ZNHIT6: variants seen among roughly 807,000 people sequenced by gnomAD.
ZNHIT6 encodes the protein zinc finger HIT-type containing 6, also known as box C/D snoRNA protein 1.
In ZNHIT6, 45 loss-of-function variants were observed where a neutral mutation model predicts 57.2. The ratio of observed to expected loss-of-function variants is 0.79; its 90% CI spans 0.62 to 1.01. The LOEUF is 1.01. Ranked by LOEUF, ZNHIT6 falls within the 50% of genes least tolerant of loss-of-function variation. The pLI, the probability that ZNHIT6 is intolerant of heterozygous loss-of-function variation, is 0.00. For synonymous variants in ZNHIT6, 188 were observed against 190.0 expected (o/e 0.99, Z 0.09); for missense variants, 528 against 567.3 (o/e 0.93, Z 0.70).
At chr1:85,671,760 A>G (rs1661561993) in intron 8 of ZNHIT6, among the ~76,000 whole-genome samples, 2 of 152,238 alleles carry the variant, frequency 1.3e-5, no homozygotes, top group Non-Finnish European at 2.9e-5. Flanking sequence ...TAGATGGGAA[A>G]ACAGGCTTAG....
In ZNHIT6 at chr1:85,680,902, T is replaced by C. The variant is rs1247388163; in HGVS notation, c.1022A>G (p.Lys341Arg). The C allele has an allele frequency of 6.2e-7, 1 of 1,610,548 alleles. No homozygotes were observed. Among genetic ancestry groups the C allele is most frequent in the South Asian group, 1.1e-5 (1 of 90,274 alleles). Reference sequence around the variant, plus strand: ...CTTCACATGCCAACAAAACTGTTGTTTTCTAAGAGAGAAAATAATCATGTG... The same window carrying C: ...CTTCACATGCCAACAAAACTGTTGTCTTCTAAGAGAGAAAATAATCATGTG... ...KENSTFFDKK[K>R]QQFCWHVKLQ... The change falls in exon 6 of 10, where the codon AAA becomes AGA. Residue 341 changes from lysine to arginine, a missense_variant and splice_region_variant. By Grantham distance (26) the Lys-to-Arg change is conservative. Coordinates refer to ENST00000370574, the MANE Select transcript of ZNHIT6 (RefSeq NM_017953.4).
At chr1:85,676,064 C>T (rs1181580179) in intron 8 of ZNHIT6, among the ~76,000 whole-genome samples, 9 of 151,994 alleles carry the variant, frequency 5.9e-5, no homozygotes, top group African/African-American at 1.7e-4. Flanking sequence ...TGGCCGGGCG[C>T]GGTGGCTCAC....
chr1:85,681,927 T>C (rs1189883210), intron 5 of ZNHIT6, among the ~76,000 whole-genome samples: 2 of 152,018 alleles, frequency 1.3e-5, no homozygotes, highest in African/African-American at 4.8e-5. Flanking sequence ...TTTTGCAATA[T>C]TCATTATCTG....
At chr1:85,682,498 A>G in intron 5 of ZNHIT6, among the ~76,000 whole-genome samples, 1 of 152,184 alleles carries the variant, frequency 6.6e-6, no homozygotes, top group Non-Finnish European at 1.5e-5. Context: ...TTAACATTTA[A>G]TACACCCTGA....
At chr1:85,703,984 A>C (rs1557876812) in intron 4 of ZNHIT6, among the ~76,000 whole-genome samples, 1 of 152,242 alleles carries the variant, frequency 6.6e-6, no homozygotes, top group East Asian at 1.9e-4. Context: ...GGCACTGCAT[A>C]AAAGAGGAAA....
rs768596342 is a variant in ZNHIT6, at chr1:85,650,105, T to G, written c.*3953A>C. 8 of 152,190 alleles carry G rather than the reference T, an allele frequency of 5.3e-5. No individual in the cohort carries two copies. The highest frequency in any genetic ancestry group is 1.0e-4 in the Non-Finnish European group (7 of 68,026). The allele number at this position is 152,190 out of a possible 1,614,324, so 9.4% of individuals were successfully genotyped here. A position where few individuals can be genotyped will look rare whatever the true frequency, so the allele number is the denominator to read the frequency against. On this transcript the variant is annotated 3_prime_UTR_variant, in exon 10 of 10. Transcript: ENST00000370574. Reference sequence around the variant, plus strand: ...TACATTCTGGCTTTCTTCTAAAAATTTCCCCCTCCTTTGGGTGAATTCCTC... The same window carrying G: ...TACATTCTGGCTTTCTTCTAAAAATGTCCCCCTCCTTTGGGTGAATTCCTC...
At chr1:85,658,678 C>T (rs757974411) in intron 8 of ZNHIT6, among the ~76,000 whole-genome samples, 6 of 151,876 alleles carry the variant, frequency 4.0e-5, no homozygotes, top group African/African-American at 7.3e-5. Flanking sequence ...TTGAGACCAG[C>T]GTGACCAACA....
intron 5 of ZNHIT6, among the ~76,000 whole-genome samples, chr1:85,687,288 C>CAAAAAAAAAAAA (rs1358501791): frequency 2.7e-5 from 2 of 75,226 alleles, no homozygotes; most frequent in African/African-American, 5.6e-5. Context: ...TCTCAAAAAA[C>CAAAAAAAAAAAA]AAAAAAAAAA....
At chr1:85,697,636 C>A (rs1247355524) in intron 5 of ZNHIT6, among the ~76,000 whole-genome samples, 1 of 152,136 alleles carries the variant, frequency 6.6e-6, no homozygotes, top group Non-Finnish European at 1.5e-5. Flanking sequence ...TGAATCCAGC[C>A]TCATCATTCT....
At chr1:85,703,057 G>C (rs1662581527) in intron 4 of ZNHIT6, among the ~76,000 whole-genome samples, 1 of 152,172 alleles carries the variant, frequency 6.6e-6, no homozygotes, top group Admixed American at 6.5e-5. Flanking sequence ...GGCTAAGTAG[G>C]AAACTGTTTT....
chr1:85,682,543 G>C (rs1661909795), intron 5 of ZNHIT6, among the ~76,000 whole-genome samples: 1 of 152,040 alleles, frequency 6.6e-6, no homozygotes, highest in Admixed American at 6.5e-5. Context: ...TCCAAACACA[G>C]AGAGAAAAGC....
intron 7 of ZNHIT6, 68 bp from the exon 8 acceptor site, chr1:85,677,381 A>G: frequency 7.6e-7 from 1 of 1,313,402 alleles, no homozygotes; most frequent in South Asian, 1.5e-5. Context: ...TCTTATGGAG[A>G]CTAAGCATTT....
At chr1:85,692,405 T>C (rs1336510985) in intron 5 of ZNHIT6, among the ~76,000 whole-genome samples, 2 of 152,214 alleles carry the variant, frequency 1.3e-5, no homozygotes, top group African/African-American at 2.4e-5. Flanking sequence ...CTGCAGTAAG[T>C]AGAGGCCCAA....
chr1:85,653,943 C>A lies in ZNHIT6; in HGVS notation c.*115G>T, dbSNP rs1570276756. The A allele has an allele frequency of 1.1e-5, 8 of 756,574 alleles. No individual in the cohort carries two copies. The highest frequency in any genetic ancestry group is 1.8e-5 in the African/African-American group (1 of 56,130). 46.9% of individuals were successfully genotyped at this position (756,574 alleles called of 1,614,324 possible). A position where few individuals can be genotyped will look rare whatever the true frequency, so the allele number is the denominator to read the frequency against. ...AAAAGAGTTAAGCTTATTTTTCATA[C>A]AAAGAAAAAATTCCAATCACCCATT... On this transcript the variant is annotated 3_prime_UTR_variant, in exon 10 of 10. Coordinates refer to ENST00000370574, the MANE Select transcript of ZNHIT6 (RefSeq NM_017953.4).
intron 8 of ZNHIT6, among the ~76,000 whole-genome samples, chr1:85,673,176 G>A (rs1423985704): frequency 6.6e-6 from 1 of 152,120 alleles, no homozygotes; most frequent in East Asian, 1.9e-4. Flanking sequence ...CTCCACAGGG[G>A]CAGGAACACT....
chr1:85,694,767 T>C (rs981623740), intron 5 of ZNHIT6, among the ~76,000 whole-genome samples: 3 of 152,164 alleles, frequency 2.0e-5, no homozygotes, highest in Admixed American at 2.0e-4. Flanking sequence ...GCCTCAAATT[T>C]TTCATAATAA....
Position 85,652,892 on chromosome 1 carries a change from T to C in ZNHIT6, c.*1166A>G, listed in dbSNP as rs916558503. 2 of 152,190 alleles carry C rather than the reference T, an allele frequency of 1.3e-5. No homozygotes were observed. The highest frequency in any genetic ancestry group is 4.8e-5 in the African/African-American group (2 of 41,454). 9.4% of individuals were successfully genotyped at this position (152,190 alleles called of 1,614,324 possible). ...CTCCAATAAAATTAAGAATTTTTTT[T>C]CAGTACATGAGATCAAACTGTATAC... On this transcript the variant is annotated 3_prime_UTR_variant, in exon 10 of 10. Coordinates refer to ENST00000370574, the MANE Select transcript of ZNHIT6 (RefSeq NM_017953.4).
intron 8 of ZNHIT6, among the ~76,000 whole-genome samples, chr1:85,660,361 TG>T (rs1489456400): frequency 2.0e-5 from 3 of 152,176 alleles, no homozygotes; most frequent in Non-Finnish European, 4.4e-5. Context: ...AATAAGGGAA[TG>T]TTTTTTACTT....
At chr1:85,672,529 C>T (rs1001231149) in intron 8 of ZNHIT6, among the ~76,000 whole-genome samples, 3 of 152,140 alleles carry the variant, frequency 2.0e-5, no homozygotes, top group African/African-American at 7.2e-5. Flanking sequence ...AGGCCATTCA[C>T]CTTTAATAAA....
Sources: gnomAD v4.1 joint callset for allele counts (sites outside exome capture counted in the v4.1 genomes callset) on GRCh38, gnomAD v4.1.1 for gene constraint, MANE v1.5 for transcripts, NCBI Gene and HGNC (gene_info 2026-07-23, HGNC 2026-07-21) for gene names.